Variants in DPP6 observed in about 807,000 individuals in gnomAD.
DPP6 encodes the protein A-type potassium channel modulatory protein DPP6.
A neutral mutation model predicts 122.6 loss-of-function variants in DPP6; 69 were observed. The ratio of observed to expected loss-of-function variants is 0.56; its 90% CI spans 0.46 to 0.69. The LOEUF (loss-of-function observed/expected upper bound fraction) is 0.69, where lower values mean the gene tolerates loss of function less well. Among genes scored for constraint, DPP6 ranks in the 30% least tolerant of loss-of-function variants. The pLI is 0.00. For missense variants in DPP6, 928 were observed against 1,116.9 expected (o/e 0.83, Z 2.41); for synonymous variants, 418 against 433.1 (o/e 0.97, Z 0.43).
chr7:154,165,625 A>C (rs990621654), intron 1 of DPP6, among the ~76,000 whole-genome samples: 4 of 151,784 alleles, frequency 2.6e-5, no homozygotes, highest in African/African-American at 9.7e-5. Context: ...TCCCACCAAC[A>C]GTGTAAAAGT....
chr7:153,790,989 T>C, the DPP6 span, among the ~76,000 whole-genome samples: 1 of 152,160 alleles, frequency 6.6e-6, no homozygotes, highest in African/African-American at 2.4e-5. Context: ...CCTCAAGAAA[T>C]TGAAAAAGAG....
At chr7:154,430,515 G>C (rs750436555) in intron 1 of DPP6, among the ~76,000 whole-genome samples, 5 of 152,160 alleles carry the variant, frequency 3.3e-5, no homozygotes, top group Non-Finnish European at 7.3e-5. Flanking sequence ...AGGGCACTAA[G>C]CCCATTCACC....
chr7:154,737,023 C>T (rs917577517), intron 8 of DPP6, among the ~76,000 whole-genome samples: 4 of 152,138 alleles, frequency 2.6e-5, no homozygotes, highest in Non-Finnish European at 5.9e-5. Flanking sequence ...ACTGGAGTGA[C>T]GTTGGGAAGG....
In DPP6 at chr7:154,052,837, A is replaced by T; in HGVS notation, c.17A>T (p.Gln6Leu). The part of the protein sequence containing the change: MASLY[Q>L]RFTGKINTSR... ...CGGTGCCCGATGGCTTCGCTGTACC[A>T]GAGGTTCACTGGCAAGATCAACACC... Residue 6 changes from glutamine to leucine, a missense_variant, in exon 1 of 26, where the codon CAG becomes CTG. Coordinates refer to ENST00000377770, the MANE Select transcript of DPP6 (RefSeq NM_130797.4). The surrounding 1 kb of genome is among the most constrained non-coding windows in gnomAD (Gnocchi z 4.8). 1 of 1,532,976 alleles carries T rather than the reference A, an allele frequency of 6.5e-7. No homozygotes were observed. The highest frequency in any genetic ancestry group is 1.2e-5 in the South Asian group (1 of 83,942). 95.0% of individuals were successfully genotyped at this position (1,532,976 alleles called of 1,614,324 possible).
At chr7:154,675,083 G>C (rs542995911) in intron 7 of DPP6, among the ~76,000 whole-genome samples, 87 of 152,280 alleles carry the variant, frequency 5.7e-4, no homozygotes, top group African/African-American at 2.0e-3. Context: ...GTTTATCGGA[G>C]AACGTCAATA....
At chr7:154,597,818 G>A (rs1444541534) in intron 5 of DPP6, among the ~76,000 whole-genome samples, 1 of 152,064 alleles carries the variant, frequency 6.6e-6, no homozygotes, top group East Asian at 1.9e-4. Context: ...TGGTTTTCTG[G>A]CAATCTTTGG....
chr7:154,327,790 C>A lies in DPP6; in HGVS notation c.244-118424C>A, dbSNP rs186392201. On this transcript the variant is annotated intron_variant, in intron 1 of 25. Transcript: ENST00000377770. ...TTATGAGCTTGTCTCTTAATTACCA[C>A]CATTTATACTGGACATGTGATTTGG... Among the ~76,000 whole-genome samples, 3 of 152,276 alleles carry A rather than the reference C, an allele frequency of 2.0e-5. No homozygotes were observed. In the East Asian group the frequency reaches 5.8e-4, roughly 29 times the overall value.
chr7:154,568,143 G>A (rs1459412745), intron 5 of DPP6, among the ~76,000 whole-genome samples: 1 of 152,198 alleles, frequency 6.6e-6, no homozygotes. Context: ...CCTAGACACA[G>A]CCTTAAACTT....
At chr7:154,060,643 A>G (rs1346658769) in intron 1 of DPP6, among the ~76,000 whole-genome samples, 3 of 138,052 alleles carry the variant, frequency 2.2e-5, no homozygotes, top group African/African-American at 2.8e-5. Flanking sequence ...CAGGAGGGGG[A>G]GGCACCCCCC....
the DPP6 span, among the ~76,000 whole-genome samples, chr7:153,757,459 T>C: frequency 6.6e-6 from 1 of 152,178 alleles, no homozygotes; most frequent in Non-Finnish European, 1.5e-5. Context: ...GCTCATCCAG[T>C]GGCGGATGGT....
intron 1 of DPP6, among the ~76,000 whole-genome samples, chr7:154,388,351 A>G: frequency 6.6e-6 from 1 of 152,222 alleles, no homozygotes; most frequent in Admixed American, 6.5e-5. Flanking sequence ...TTATCTAAAC[A>G]TTGTTTATGT....
At chr7:154,543,644 G>T (rs1828908376) in intron 4 of DPP6, among the ~76,000 whole-genome samples, 1 of 151,970 alleles carries the variant, frequency 6.6e-6, no homozygotes, top group Non-Finnish European at 1.5e-5. Flanking sequence ...ATCCTTTATT[G>T]TGCTTTTAAA....
At chr7:154,424,683 G>A (rs1817746821) in intron 1 of DPP6, among the ~76,000 whole-genome samples, 2 of 152,120 alleles carry the variant, frequency 1.3e-5, no homozygotes, top group South Asian at 2.1e-4. Context: ...ACAGGTTCTG[G>A]GAATTAGGAT....
chr7:153,798,692 G>A, the DPP6 span, among the ~76,000 whole-genome samples: 3 of 152,130 alleles, frequency 2.0e-5, no homozygotes, highest in Non-Finnish European at 2.9e-5. Flanking sequence ...CACTTACTGT[G>A]CACTTTATCT....
intron 21 of DPP6, among the ~76,000 whole-genome samples, chr7:154,881,686 G>A (rs944897487): frequency 2.0e-5 from 3 of 152,162 alleles, no homozygotes; most frequent in East Asian, 1.9e-4. Flanking sequence ...TGCCTCTTAC[G>A]TCATCGCCTC....
chr7:154,495,064 T>A (rs73729310), intron 3 of DPP6, among the ~76,000 whole-genome samples: 8,543 of 152,236 alleles, frequency 0.056, 784 homozygotes, highest in African/African-American at 0.19. Context: ...TGTAGAGGCG[T>A]CTGGTATGAG....
intron 1 of DPP6, among the ~76,000 whole-genome samples, chr7:153,953,462 T>C (rs1275141106): frequency 6.6e-6 from 1 of 152,206 alleles, no homozygotes; most frequent in Admixed American, 6.5e-5. Context: ...TTCCGTGTGC[T>C]GTCTGTGGAA....
intron 1 of DPP6, among the ~76,000 whole-genome samples, chr7:154,280,823 A>T (rs1585817806): frequency 2.6e-5 from 4 of 152,234 alleles, no homozygotes; most frequent in African/African-American, 9.6e-5. Context: ...CACTCTGAAA[A>T]TATTAACATA....
chr7:154,523,564 C>A (rs1827169908), intron 3 of DPP6, among the ~76,000 whole-genome samples: 1 of 152,192 alleles, frequency 6.6e-6, no homozygotes. Flanking sequence ...AAAATATTTT[C>A]TGTAGCTTTT....
Sources: gnomAD v4.1 joint callset for allele counts (sites outside exome capture counted in the v4.1 genomes callset) on GRCh38, gnomAD v4.1.1 for gene constraint, Gnocchi (gnomAD v3.1) non-coding constraint, MANE v1.5 for transcripts, NCBI Gene and HGNC (gene_info 2026-07-23, HGNC 2026-07-21) for gene names.